SOX5: variants seen among roughly 807,000 people sequenced by gnomAD.
The protein encoded by SOX5 is transcription factor SOX-5.
A neutral mutation model predicts 92.0 loss-of-function variants in SOX5; 9 were observed. That is an observed-to-expected ratio of 0.10 (90% CI 0.06 to 0.17). The LOEUF is 0.17. Among genes scored for constraint, SOX5 ranks in the 10% least tolerant of loss-of-function variants. The pLI is 1.00. For missense variants in SOX5, 642 were observed against 944.5 expected (o/e 0.68, Z 4.20); for synonymous variants, 344 against 336.3 (o/e 1.02, Z -0.25).
At chr12:23,864,991 C>T (rs1017724892) in intron 2 of SOX5, among the ~76,000 whole-genome samples, 2 of 152,170 alleles carry the variant, frequency 1.3e-5, no homozygotes, top group African/African-American at 4.8e-5. Context: ...AACAGCCTGG[C>T]TCTCCTGTTA....
chr12:23,600,101 T>C (rs1283179640), intron 9 of SOX5, among the ~76,000 whole-genome samples: 3 of 152,206 alleles, frequency 2.0e-5, no homozygotes, highest in Non-Finnish European at 4.4e-5. Context: ...TTATTGTATA[T>C]GTGATTCAAA....
At chr12:23,794,761 A>C (rs541718507) in intron 3 of SOX5, among the ~76,000 whole-genome samples, 23 of 152,252 alleles carry the variant, frequency 1.5e-4, no homozygotes, top group African/African-American at 5.3e-4. Context: ...CTGCTGATAC[A>C]ACAGCTGATT....
rs528459066 is a variant in SOX5 at position 23,738,898 on chromosome 12, G to A, written c.741+1969C>T. ...CTTTTATCATGGGGATAAAGCAAGA[G>A]GCATATGGGCCATACCCAAAAAAAA... is the stretch of plus-strand genomic sequence containing the variant. On this transcript the variant is annotated intron_variant, in intron 5 of 14. Coordinates refer to ENST00000451604, the MANE Select transcript of SOX5 (RefSeq NM_006940.6). Among the ~76,000 whole-genome samples, 6 of 152,208 alleles carry A rather than the reference G, an allele frequency of 3.9e-5. No individual in the cohort carries two copies. The South Asian group carries it at 1.2e-3, about 32-fold the overall frequency.
intron 1 of SOX5, among the ~76,000 whole-genome samples, chr12:24,561,416 A>T (rs958329820): frequency 1.3e-5 from 2 of 152,044 alleles, no homozygotes; most frequent in Admixed American, 6.5e-5. Context: ...CTAATAAAAT[A>T]TGTAAACAGT....
At chr12:24,257,757 G>A (rs180856633) in intron 3 of SOX5, among the ~76,000 whole-genome samples, 29 of 151,872 alleles carry the variant, frequency 1.9e-4, no homozygotes, top group East Asian at 1.2e-3. Context: ...ATGAGCCACC[G>A]TACCCGACCA....
chr12:23,897,555 C>A (rs1321827704), intron 1 of SOX5, among the ~76,000 whole-genome samples: 1 of 152,040 alleles, frequency 6.6e-6, no homozygotes, highest in Non-Finnish European at 1.5e-5. Flanking sequence ...ACACAGAATA[C>A]ACAGTCAATA....
chr12:23,750,336 G>A (rs2094142822), intron 4 of SOX5, among the ~76,000 whole-genome samples: 1 of 151,884 alleles, frequency 6.6e-6, no homozygotes, highest in South Asian at 2.1e-4. Flanking sequence ...CTAAGTGGCA[G>A]GCAATAAATC....
chr12:23,763,528 T>G (rs1461696105), intron 3 of SOX5, among the ~76,000 whole-genome samples: 1 of 152,172 alleles, frequency 6.6e-6, no homozygotes, highest in Non-Finnish European at 1.5e-5. Context: ...CAGTTTGATC[T>G]TATCAATAAA....
At chr12:24,023,990 C>A (rs796182929) in intron 4 of SOX5, among the ~76,000 whole-genome samples, 1 of 151,888 alleles carries the variant, frequency 6.6e-6, no homozygotes, top group Non-Finnish European at 1.5e-5. Flanking sequence ...AGTGGTAGAA[C>A]CATGCTTTTG....
At chr12:24,529,493 C>A (rs1326663961) in intron 1 of SOX5, among the ~76,000 whole-genome samples, 2 of 152,014 alleles carry the variant, frequency 1.3e-5, no homozygotes, top group Non-Finnish European at 2.9e-5. Context: ...ACACATCATC[C>A]CACAGGCCTG....
intron 6 of SOX5, among the ~76,000 whole-genome samples, chr12:23,697,230 T>C (rs2090003839): frequency 6.6e-6 from 1 of 152,214 alleles, no homozygotes; most frequent in Non-Finnish European, 1.5e-5. Flanking sequence ...TTATTTTCTG[T>C]AATTTGAAGC....
At chr12:24,378,502 C>A (rs1047368648) in intron 1 of SOX5, among the ~76,000 whole-genome samples, 8 of 152,326 alleles carry the variant, frequency 5.3e-5, no homozygotes, top group African/African-American at 1.7e-4. Flanking sequence ...CCATCACTTG[C>A]TCAAGGGATC....
intron 1 of SOX5, among the ~76,000 whole-genome samples, chr12:24,548,441 G>C (rs1352595805): frequency 6.6e-6 from 1 of 152,180 alleles, no homozygotes; most frequent in African/African-American, 2.4e-5. Flanking sequence ...TCTGTACGAG[G>C]GAGAAGCGTT....
chr12:24,064,024 T>C (rs1940216847), intron 4 of SOX5, among the ~76,000 whole-genome samples: 1 of 152,204 alleles, frequency 6.6e-6, no homozygotes, highest in Non-Finnish European at 1.5e-5. Flanking sequence ...ATGTTGTAAG[T>C]AAACTGTAAG....
At chr12:23,763,757 A>C (rs1455967769) in intron 3 of SOX5, among the ~76,000 whole-genome samples, 1 of 152,114 alleles carries the variant, frequency 6.6e-6, no homozygotes, top group Non-Finnish European at 1.5e-5. Flanking sequence ...TGACAAGTGA[A>C]AGAGAACAAC....
intron 1 of SOX5, among the ~76,000 whole-genome samples, chr12:24,385,369 A>T (rs968570132): frequency 2.6e-5 from 4 of 152,196 alleles, no homozygotes; most frequent in Admixed American, 2.6e-4. Flanking sequence ...AGTACATTTA[A>T]GGTAAATTAG....
rs1470348596 is a variant in SOX5, at chr12:23,561,814, A to T, written c.1488+1444T>A. Among the ~76,000 whole-genome samples, 5 of 14,114 alleles carry T rather than the reference A, an allele frequency of 3.5e-4. No individual in the cohort carries two copies. The Admixed American group carries it at 6.8e-3, about 19-fold the overall frequency. 9.3% of individuals were successfully genotyped at this position (14,114 alleles called of 152,430 possible). A position where few individuals can be genotyped will look rare whatever the true frequency, so the allele number is the denominator to read the frequency against. On this transcript the variant is annotated intron_variant, in intron 11 of 14. Coordinates refer to ENST00000451604, the MANE Select transcript of SOX5 (RefSeq NM_006940.6). ...AGAGTTGTCTCTGCTTTGGAGGATT[A>T]AAAAAAAAAAAAAAAAGGGTACAGA... is the stretch of plus-strand genomic sequence containing the variant.
intron 3 of SOX5, among the ~76,000 whole-genome samples, chr12:24,217,649 A>G (rs549683192): frequency 1.3e-4 from 20 of 152,324 alleles, no homozygotes; most frequent in African/African-American, 4.3e-4. Context: ...TAAATTGGAC[A>G]TGAAAATTAA....
In SOX5 at chr12:24,153,548, G is replaced by A. The variant is rs17576126; in HGVS notation, c.-2+59795C>T. Among the ~76,000 whole-genome samples, 1,034 of 152,230 alleles carry A rather than the reference G, an allele frequency of 6.8e-3. 16 individuals are homozygous for A. Among genetic ancestry groups the A allele is most frequent in the Non-Finnish European group, 8.6e-3 (584 of 68,006 alleles). On this transcript the variant is annotated intron_variant, in intron 4 of 4. Coordinates refer to the SOX5 transcript ENST00000446891. ...GAAGTAGTAAACTTATCCTAGCCAT[G>A]ACCTACCCTATCTATGTCCTGTTCT...
Sources: allele counts gnomAD v4.1 joint callset (sites outside exome capture counted in the v4.1 genomes callset), GRCh38; gene constraint gnomAD v4.1.1; transcripts MANE v1.5; gene names NCBI Gene and HGNC (gene_info 2026-07-23, HGNC 2026-07-21).